SCAMP5: variants seen among roughly 807,000 people sequenced by gnomAD.
The protein encoded by SCAMP5 is secretory carrier membrane protein 5, also known as secretory carrier-associated membrane protein 5.
A neutral mutation model predicts 28.3 loss-of-function variants in SCAMP5; 7 were observed. The observed-to-expected ratio is 0.25, with a 90% CI of 0.14 to 0.46. SCAMP5 has a LOEUF of 0.46. Among genes scored for constraint, SCAMP5 ranks in the 20% least tolerant of loss-of-function variants. The pLI, the probability that SCAMP5 is intolerant of heterozygous loss-of-function variation, is 0.99. For missense variants in SCAMP5, 192 were observed against 312.5 expected (o/e 0.61, Z 2.91); for synonymous variants, 117 against 116.4 (o/e 1.00, Z -0.03).
At chr15:75,000,521 A>G (rs1427074475) in intron 1 of SCAMP5, among the ~76,000 whole-genome samples, 1 of 151,884 alleles carries the variant, frequency 6.6e-6, no homozygotes, top group Non-Finnish European at 1.5e-5. Context: ...AGTAGCTGGG[A>G]CTACGGGCCC....
At chr15:75,007,313 C>T (rs190312443) in intron 1 of SCAMP5, among the ~76,000 whole-genome samples, 2 of 152,292 alleles carry the variant, frequency 1.3e-5, no homozygotes, top group East Asian at 1.9e-4. Flanking sequence ...CTGTAGTATA[C>T]GGGCAAAGCT....
intron 1 of SCAMP5, among the ~76,000 whole-genome samples, chr15:75,001,269 C>CAACA (rs2065705423): frequency 1.7e-5 from 1 of 58,186 alleles, no homozygotes; most frequent in African/African-American, 7.0e-5. Flanking sequence ...AGCGAGACTC[C>CAACA]AAAAAAAAAA....
chr15:75,006,659 G>A lies in SCAMP5; in HGVS notation c.-48-5133G>A, dbSNP rs1265357912. Among the ~76,000 whole-genome samples, 8 of 152,156 alleles carry A rather than the reference G, an allele frequency of 5.3e-5. No individual in the cohort carries two copies. In the East Asian group the frequency reaches 5.8e-4, roughly 11 times the overall value. ...AAAAAAATTCGCCAGGTGTGGTGGC[G>A]GGCACCTGTAGTCCCAGCTACTGGG... On this transcript the variant is annotated intron_variant, in intron 1 of 6. Coordinates refer to ENST00000425597, the MANE Select transcript of SCAMP5 (RefSeq NM_138967.4).
Position 75,019,158 on chromosome 15 carries a change from C to T in SCAMP5, c.*175C>T, listed in dbSNP as rs926434846. ...ATGTATATGTCTGTACCCCAGCCCCCACCTTTCAGATTCTGCTCTTGGCAC... is the reference window on the plus strand; with the variant it reads ...ATGTATATGTCTGTACCCCAGCCCCTACCTTTCAGATTCTGCTCTTGGCAC... On this transcript the variant is annotated 3_prime_UTR_variant, in exon 7 of 7. Transcript: ENST00000425597. The T allele has an allele frequency of 4.3e-5, 18 of 414,566 alleles. No homozygotes were observed. The highest frequency in any genetic ancestry group is 5.8e-5 in the Non-Finnish European group (14 of 239,584). 25.7% of individuals were successfully genotyped at this position (414,566 alleles called of 1,614,324 possible). A position where few individuals can be genotyped will look rare whatever the true frequency, so the allele number is the denominator to read the frequency against.
intron 1 of SCAMP5, chr15:75,011,548 T>C: frequency 3.3e-6 from 1 of 300,368 alleles, no homozygotes; most frequent in Non-Finnish European, 6.2e-6. Flanking sequence ...TTTCCTACCC[T>C]TGGATGGGGT....
chr15:74,999,592 T>G (rs2065683571), intron 1 of SCAMP5, among the ~76,000 whole-genome samples: 1 of 150,140 alleles, frequency 6.7e-6, no homozygotes, highest in Admixed American at 6.6e-5. Context: ...AGACTCCATC[T>G]CAAAACAAAA....
intron 1 of SCAMP5, among the ~76,000 whole-genome samples, chr15:75,000,644 A>G (rs2065696028): frequency 6.7e-6 from 1 of 149,910 alleles, no homozygotes; most frequent in South Asian, 2.1e-4. Context: ...TCGGCCTCCC[A>G]GAGTGCTAGG....
chr15:75,004,095 G>A (rs867956639), intron 1 of SCAMP5, among the ~76,000 whole-genome samples: 3 of 151,674 alleles, frequency 2.0e-5, no homozygotes, highest in Non-Finnish European at 4.4e-5. Flanking sequence ...ATAGAGACAG[G>A]GTTTCTCCAT....
chr15:75,017,113 G>A (rs925248938), intron 4 of SCAMP5, among the ~76,000 whole-genome samples: 5 of 152,040 alleles, frequency 3.3e-5, no homozygotes, highest in African/African-American at 1.2e-4. Flanking sequence ...GGGGCTAGCC[G>A]ACTTGGTGCC....
chr15:75,007,849 G>C (rs2065774870), intron 1 of SCAMP5: 2 of 152,298 alleles, frequency 1.3e-5, no homozygotes, highest in Non-Finnish European at 2.9e-5. Context: ...ACAGGCGTGA[G>C]CTACCATGCC....
In SCAMP5 at chr15:75,020,894, C is replaced by G. The variant is rs1260768450; in HGVS notation, c.*1911C>G. ...CACAAAATATAATTGCCTCTCCCCT[C>G]TCCCATTTTCTCTCTTGGGAGCAAT... On this transcript the variant is annotated 3_prime_UTR_variant, in exon 7 of 7. Coordinates refer to ENST00000425597, the MANE Select transcript of SCAMP5 (RefSeq NM_138967.4). 6.6e-6 allele frequency: 1 copy of G among 152,190 alleles called. No individual in the cohort carries two copies. The highest frequency in any genetic ancestry group is 2.4e-5 in the African/African-American group (1 of 41,422). 9.4% of individuals were successfully genotyped at this position (152,190 alleles called of 1,614,324 possible).
chr15:75,011,331 G>C (rs2065809503), intron 1 of SCAMP5, among the ~76,000 whole-genome samples: 1 of 152,136 alleles, frequency 6.6e-6, no homozygotes, highest in Non-Finnish European at 1.5e-5. Context: ...TACTGCAGAG[G>C]TGATTGACTG....
At chr15:75,000,263 A>C (rs1211987090) in intron 1 of SCAMP5, among the ~76,000 whole-genome samples, 1 of 152,208 alleles carries the variant, frequency 6.6e-6, no homozygotes, top group East Asian at 1.9e-4. Flanking sequence ...GACTATTCAC[A>C]GGTGCAATCA....
Position 75,004,448 on chromosome 15 carries a change from A to G in SCAMP5, c.-48-7344A>G, listed in dbSNP as rs528408342. Among the ~76,000 whole-genome samples, 16 of 152,302 alleles carry G rather than the reference A, an allele frequency of 1.1e-4. No individual in the cohort carries two copies. In the East Asian group the frequency reaches 2.9e-3, roughly 28 times the overall value. ...TCTTCTAAGAACAAAGGTGTTCTAC[A>G]GGCCGGCATGGTGGCTCACGCCTGT... is the stretch of plus-strand genomic sequence containing the variant. On this transcript the variant is annotated intron_variant, in intron 1 of 6. Coordinates refer to ENST00000425597, the MANE Select transcript of SCAMP5 (RefSeq NM_138967.4).
chr15:75,013,447 C>T (rs1390295457), intron 3 of SCAMP5, among the ~76,000 whole-genome samples: 1 of 152,054 alleles, frequency 6.6e-6, no homozygotes, highest in African/African-American at 2.4e-5. Flanking sequence ...ACCTGTGATC[C>T]CGGCACTTTG....
Position 74,996,872 on chromosome 15 carries a change from G to A in SCAMP5, c.-49+1199G>A, listed in dbSNP as rs1025038525. On this transcript the variant is annotated intron_variant, in intron 1 of 6. Coordinates refer to ENST00000425597, the MANE Select transcript of SCAMP5 (RefSeq NM_138967.4). This position sits in a 1 kb window ranked among gnomAD's most constrained non-coding sequence, Gnocchi z 4.1. ...TAGGGCAAAGTCTCTAGAGCTGAGA[G>A]GGGGCTGTCTCTGGTGAATGGGCCC... Among the ~76,000 whole-genome samples, 15 of 152,172 alleles carry A rather than the reference G, an allele frequency of 9.9e-5. No homozygotes were observed. The highest frequency in any genetic ancestry group is 3.6e-4 in the African/African-American group (15 of 41,424).
intron 1 of SCAMP5, among the ~76,000 whole-genome samples, chr15:75,002,098 C>A (rs2141427534): frequency 6.6e-6 from 1 of 151,850 alleles, no homozygotes; most frequent in Middle Eastern, 3.4e-3. Flanking sequence ...AGAGTGAGAC[C>A]CTGTCTCAAA....
In SCAMP5 at chr15:74,996,707, T is replaced by C. The variant is rs1412017633; in HGVS notation, c.-49+1034T>C. 3.3e-5 allele frequency among the ~76,000 whole-genome samples: 5 copies of C among 152,196 alleles called. No homozygotes were observed. In the South Asian group the frequency reaches 6.2e-4, roughly 19 times the overall value. ...GTGGAGTCTGGAGAAATTTGCAACC[T>C]GTCCCCTACATGTTCTGCCTCACGG... On this transcript the variant is annotated intron_variant, in intron 1 of 6. Coordinates refer to ENST00000425597, the MANE Select transcript of SCAMP5 (RefSeq NM_138967.4). This position sits in a 1 kb window ranked among gnomAD's most constrained non-coding sequence, Gnocchi z 4.1.
Position 75,018,612 on chromosome 15 carries a change from C to G in SCAMP5, c.513+77C>G. 8.5e-7 allele frequency: 1 copy of G among 1,172,872 alleles called. No individual in the cohort carries two copies. Among genetic ancestry groups the G allele is most frequent in the South Asian group, 1.2e-5 (1 of 82,220 alleles). The allele number at this position is 1,172,872 out of a possible 1,614,324, so 72.7% of individuals were successfully genotyped here. A position where few individuals can be genotyped will look rare whatever the true frequency, so the allele number is the denominator to read the frequency against. The stretch of plus-strand genomic sequence containing the variant: ...CTGAAACAAGCCCTCCTCCAAGTTG[C>G]AAGAGGATCCCGAGGTCTTCCAAGG... On this transcript the variant is annotated intron_variant, in intron 6 of 6. Transcript: ENST00000425597. This position sits in a 1 kb window ranked among gnomAD's most constrained non-coding sequence, Gnocchi z 5.6.
Sources: allele counts gnomAD v4.1 joint callset (sites outside exome capture counted in the v4.1 genomes callset), GRCh38; gene constraint gnomAD v4.1.1; non-coding constraint Gnocchi (gnomAD v3.1); transcripts MANE v1.5; gene names NCBI Gene and HGNC (gene_info 2026-07-23, HGNC 2026-07-21).